BCL2L1: variants seen among roughly 807,000 people sequenced by gnomAD.
BCL2L1 encodes the protein bcl-2-like protein 1.
A neutral mutation model predicts 18.7 loss-of-function variants in BCL2L1; 1 was observed. That is an observed-to-expected ratio of 0.05 (90% CI 0.02 to 0.25). The LOEUF is 0.25. BCL2L1 is among the 10% of genes least tolerant of loss of function. BCL2L1 has a pLI of 1.00. For synonymous variants in BCL2L1, 103 were observed against 122.7 expected (o/e 0.84, Z 1.06); for missense variants, 207 against 304.9 (o/e 0.68, Z 2.39).
chr20:31,669,289 G>A (rs1256124056), intron 2 of BCL2L1, among the ~76,000 whole-genome samples: 2 of 149,792 alleles, frequency 1.3e-5, no homozygotes, highest in Non-Finnish European at 3.0e-5. Context: ...CAAACTCCTG[G>A]GCTCAAGGGA....
intron 2 of BCL2L1, among the ~76,000 whole-genome samples, chr20:31,675,067 G>A (rs550421372): frequency 8.1e-4 from 123 of 152,084 alleles, no homozygotes; most frequent in Non-Finnish European, 7.4e-4. Context: ...AGGATGTGAC[G>A]AAGACCAGGA....
upstream of BCL2L1, chr20:31,723,199 C>A: frequency 1.2e-6 from 1 of 854,150 alleles, no homozygotes; most frequent in Non-Finnish European, 1.4e-6. Flanking sequence ...CGGAGACCCC[C>A]AACAAATGCC....
intron 2 of BCL2L1, among the ~76,000 whole-genome samples, chr20:31,702,940 C>G (rs999181978): frequency 6.8e-6 from 1 of 147,976 alleles, no homozygotes; most frequent in African/African-American, 2.5e-5. Context: ...GGGCAAGACT[C>G]CATCTCAAAA....
intron 2 of BCL2L1, among the ~76,000 whole-genome samples, chr20:31,697,133 G>A (rs578162734): frequency 6.6e-6 from 1 of 152,094 alleles, no homozygotes; most frequent in Admixed American, 6.5e-5. Flanking sequence ...ATGTAAAATG[G>A]ATGTCACAGG....
intron 2 of BCL2L1, among the ~76,000 whole-genome samples, chr20:31,677,443 C>T (rs2060782783): frequency 6.6e-6 from 1 of 152,164 alleles, no homozygotes; most frequent in Non-Finnish European, 1.5e-5. Context: ...CTCGGCCCCC[C>T]AAAGTGCTGA....
chr20:31,710,733 A>G (rs1378669560), intron 2 of BCL2L1, among the ~76,000 whole-genome samples: 1 of 152,218 alleles, frequency 6.6e-6, no homozygotes. Flanking sequence ...TTTACTCTAC[A>G]GGTTTGGCAC....
At chr20:31,694,937 T>C (rs1161391344) in intron 2 of BCL2L1, among the ~76,000 whole-genome samples, 1 of 152,168 alleles carries the variant, frequency 6.6e-6, no homozygotes, top group Middle Eastern at 3.4e-3. Flanking sequence ...GTAAGCAAAC[T>C]AGGACTTGAA....
In BCL2L1 at chr20:31,722,093, T is replaced by C. The variant is rs1237575319; in HGVS notation, c.126A>G (p.Glu42=). ...TGGCACTGGGGGTCTCCATCTCCGA[T>C]TCAGTCCCTTCTGGGGCCTCAGTCC... ...ENRTEAPEGT[E]SEMETPSAIN... The change falls in exon 2 of 3, where the codon GAA becomes GAG. Residue 42 remains glutamate (E), a synonymous_variant. Coordinates refer to ENST00000307677, the MANE Select transcript of BCL2L1 (RefSeq NM_138578.3). The C allele has an allele frequency of 6.3e-7, 1 of 1,586,850 alleles. No homozygotes were observed. The highest frequency in any genetic ancestry group is 1.7e-5 in the Admixed American group (1 of 58,358).
intron 2 of BCL2L1, among the ~76,000 whole-genome samples, chr20:31,668,666 G>A (rs369510914): frequency 6.8e-6 from 1 of 147,182 alleles, no homozygotes; most frequent in Non-Finnish European, 1.5e-5. Context: ...GTACAATGGC[G>A]CGATCTCAGC....
intron 2 of BCL2L1, among the ~76,000 whole-genome samples, chr20:31,668,005 C>G (rs1208908322): frequency 1.3e-5 from 2 of 152,168 alleles, no homozygotes; most frequent in Non-Finnish European, 2.9e-5. Context: ...ACTCCTTACT[C>G]TGGCCAGCAA....
intron 2 of BCL2L1, among the ~76,000 whole-genome samples, chr20:31,689,435 A>AG (rs1381310970): frequency 6.7e-6 from 1 of 149,354 alleles, no homozygotes; most frequent in Non-Finnish European, 1.5e-5. Flanking sequence ...TACAAAAAAA[A>AG]GAAAAAAAAA....
In BCL2L1 at chr20:31,689,022, G is replaced by A. The variant is rs367703086; in HGVS notation, c.565-22936C>T. Among the ~76,000 whole-genome samples, 370 of 151,830 alleles carry A rather than the reference G, an allele frequency of 2.4e-3. 2 individuals are homozygous for A. Among genetic ancestry groups the A allele is most frequent in the African/African-American group, 8.4e-3 (350 of 41,428 alleles). On this transcript the variant is annotated intron_variant, in intron 2 of 2. Coordinates refer to ENST00000307677, the MANE Select transcript of BCL2L1 (RefSeq NM_138578.3). ...AAAGCGGACCAGGATCCATGATGAG[G>A]TTCCTCTATCCTCTGGGTTAAGTCT... is the stretch of plus-strand genomic sequence containing the variant.
At chr20:31,666,173 C>T (rs2060584592) in intron 2 of BCL2L1, 87 bp from the exon 3 acceptor site, 1 of 1,518,732 alleles carries the variant, frequency 6.6e-7, no homozygotes, top group Non-Finnish European at 9.0e-7. Context: ...CATGCTATGG[C>T]CTTGGTGATG....
intron 2 of BCL2L1, among the ~76,000 whole-genome samples, chr20:31,682,429 G>A (rs1321510567): frequency 1.3e-5 from 2 of 152,238 alleles, no homozygotes; most frequent in South Asian, 2.1e-4. Context: ...CCTTATATGT[G>A]ATTCTGTTAT....
chr20:31,723,328 T>C (rs1162480670), upstream of BCL2L1: 2 of 985,334 alleles, frequency 2.0e-6, no homozygotes, highest in Non-Finnish European at 2.4e-6. Context: ...TGGGTGAGGG[T>C]GAGGCGCTGG....
intron 2 of BCL2L1, among the ~76,000 whole-genome samples, chr20:31,667,603 G>A (rs1040849215): frequency 3.3e-5 from 5 of 151,540 alleles, no homozygotes; most frequent in African/African-American, 1.2e-4. Flanking sequence ...CCAAATGGCC[G>A]AGTGGCTGCT....
At chr20:31,700,787 G>C (rs2061265483) in intron 2 of BCL2L1, among the ~76,000 whole-genome samples, 1 of 152,130 alleles carries the variant, frequency 6.6e-6, no homozygotes, top group African/African-American at 2.4e-5. Flanking sequence ...AATTCAACTG[G>C]AAGTATCTTG....
At chr20:31,723,464 G>A (rs941302964), upstream of BCL2L1, 13 of 985,308 alleles carry the variant, frequency 1.3e-5, no homozygotes, top group Non-Finnish European at 1.4e-5. Flanking sequence ...GGGGCCGGGG[G>A]CTGCACCTCT....
chr20:31,705,078 G>A (rs1175643980), intron 2 of BCL2L1, among the ~76,000 whole-genome samples: 1 of 152,100 alleles, frequency 6.6e-6, no homozygotes, highest in Non-Finnish European at 1.5e-5. Context: ...TATCCAGGTA[G>A]GACAAGTTGG....
Sources: gnomAD v4.1 joint callset for allele counts (sites outside exome capture counted in the v4.1 genomes callset) on GRCh38, gnomAD v4.1.1 for gene constraint, MANE v1.5 for transcripts, NCBI Gene and HGNC (gene_info 2026-07-23, HGNC 2026-07-21) for gene names.